The following RAB2A variants were observed in gnomAD, a reference collection of about 807,000 sequenced individuals.
RAB2A encodes ras-related protein Rab-2A.
RAB2A carries 7 observed loss-of-function variants against 32.5 expected under a neutral mutation model. The ratio of observed to expected loss-of-function variants is 0.22; its 90% CI spans 0.12 to 0.40. RAB2A has a LOEUF of 0.40. RAB2A is among the 10% of genes least tolerant of loss of function. The pLI, the probability that RAB2A is intolerant of heterozygous loss-of-function variation, is 1.00. For synonymous variants in RAB2A, 79 were observed against 85.2 expected, an observed-to-expected ratio of 0.93 and a Z score of 0.40; for missense variants, 108 against 260.7, an observed-to-expected ratio of 0.41 and a Z score of 4.03.
At chr8:60,564,291 T>C (rs1335466988) in intron 2 of RAB2A, among the ~76,000 whole-genome samples, 1 of 152,188 alleles carries the variant, frequency 6.6e-6, no homozygotes, top group Non-Finnish European at 1.5e-5. Context: ...AACTAAGCCT[T>C]TCCCTTGGTG....
intron 1 of RAB2A, among the ~76,000 whole-genome samples, chr8:60,540,480 T>TC (rs1807623134): frequency 6.9e-6 from 1 of 145,556 alleles, no homozygotes; most frequent in Non-Finnish European, 1.5e-5. Flanking sequence ...CCTGCCTCCC[T>TC]CCCTCCCTTT....
intron 7 of RAB2A, among the ~76,000 whole-genome samples, chr8:60,620,319 G>A (rs16926338): frequency 0.077 from 11,658 of 152,218 alleles, 1,354 homozygotes; most frequent in African/African-American, 0.25. Context: ...AAGATTTTAC[G>A]TTGTATTAAA....
intron 3 of RAB2A, among the ~76,000 whole-genome samples, chr8:60,579,494 C>G (rs1023233909): frequency 5.3e-5 from 8 of 152,190 alleles, no homozygotes; most frequent in Non-Finnish European, 1.0e-4. Context: ...TCTTTACACT[C>G]TAAGCTAATA....
At chr8:60,540,518 C>T (rs975181740) in intron 1 of RAB2A, among the ~76,000 whole-genome samples, 19 of 152,302 alleles carry the variant, frequency 1.2e-4, no homozygotes, top group African/African-American at 4.1e-4. Flanking sequence ...CTCTCTCCGT[C>T]GCTCAGGCTG....
chr8:60,612,642 G>A lies in RAB2A; in HGVS notation c.475-5938G>A, dbSNP rs566579680. Among the ~76,000 whole-genome samples, 158 of 152,258 alleles carry A rather than the reference G, an allele frequency of 1.0e-3. 1 individual carries two copies. Among genetic ancestry groups the A allele is most frequent in the African/African-American group, 3.5e-3 (147 of 41,534 alleles). ...GAAGACTATTAGATTCTAATCCTGC[G>A]TCTGCTGTAATTATGTGTGGTCTTG... is the stretch of plus-strand genomic sequence containing the variant. On this transcript the variant is annotated intron_variant, in intron 6 of 7. Transcript: ENST00000262646.
At chr8:60,582,122 T>A (rs988378669) in intron 3 of RAB2A, among the ~76,000 whole-genome samples, 3 of 151,934 alleles carry the variant, frequency 2.0e-5, no homozygotes, top group South Asian at 2.1e-4. Flanking sequence ...ATTTTTAAAA[T>A]TTTTTTTGTA....
intron 1 of RAB2A, among the ~76,000 whole-genome samples, chr8:60,526,248 A>G (rs370836011): frequency 6.6e-6 from 1 of 151,942 alleles, no homozygotes; most frequent in African/African-American, 2.4e-5. Context: ...ATATACTTCC[A>G]TGAAACTGTA....
chr8:60,579,069 G>T (rs1342238117), intron 3 of RAB2A, among the ~76,000 whole-genome samples: 1 of 152,168 alleles, frequency 6.6e-6, no homozygotes, highest in Non-Finnish European at 1.5e-5. Context: ...TTGAGACAGA[G>T]TCCAGCTCTG....
chr8:60,552,003 T>TTTTTTTG (rs1159491409), intron 1 of RAB2A: 1 of 132,330 alleles, frequency 7.6e-6, no homozygotes, highest in African/African-American at 2.9e-5. Context: ...AGCTGGGAGT[T>TTTTTTTG]TTTTTTTTTT....
intron 7 of RAB2A, among the ~76,000 whole-genome samples, chr8:60,620,203 C>G (rs1407311885): frequency 6.6e-6 from 1 of 152,208 alleles, no homozygotes; most frequent in Non-Finnish European, 1.5e-5. Flanking sequence ...TCTTGGCAAG[C>G]TGCCATGTCT....
intron 1 of RAB2A, among the ~76,000 whole-genome samples, chr8:60,525,937 A>G (rs1345243592): frequency 1.4e-5 from 2 of 147,120 alleles, no homozygotes; most frequent in Non-Finnish European, 3.0e-5. Context: ...AGATATATAT[A>G]TATGTCTATA....
At chr8:60,573,328 T>A (rs948559610) in intron 3 of RAB2A, among the ~76,000 whole-genome samples, 51 of 152,236 alleles carry the variant, frequency 3.4e-4, no homozygotes, top group African/African-American at 1.2e-3. Context: ...TCACTCAGTC[T>A]TAGTTTCTCA....
intron 1 of RAB2A, among the ~76,000 whole-genome samples, chr8:60,551,583 C>G (rs1807848129): frequency 6.6e-6 from 1 of 152,244 alleles, no homozygotes; most frequent in African/African-American, 2.4e-5. Context: ...AAGATAACTA[C>G]AGATGGTCTC....
chr8:60,517,693 C>G (rs978503020), intron 1 of RAB2A, among the ~76,000 whole-genome samples: 11 of 152,148 alleles, frequency 7.2e-5, no homozygotes, highest in Non-Finnish European at 7.4e-5. Context: ...ACCAGTCCAA[C>G]CTTCCTCCAC....
At chr8:60,587,223 A>G (rs1460877980) in intron 5 of RAB2A, among the ~76,000 whole-genome samples, 1 of 152,194 alleles carries the variant, frequency 6.6e-6, no homozygotes, top group Non-Finnish European at 1.5e-5. Context: ...TATATATGAT[A>G]TATTAATTTT....
At chr8:60,532,950 T>A (rs1361387017) in intron 1 of RAB2A, among the ~76,000 whole-genome samples, 1 of 152,268 alleles carries the variant, frequency 6.6e-6, no homozygotes, top group East Asian at 1.9e-4. Flanking sequence ...CAGTCCAATT[T>A]GGTTGAAAGA....
intron 2 of RAB2A, among the ~76,000 whole-genome samples, chr8:60,570,767 G>A (rs1808186735): frequency 6.6e-6 from 1 of 152,174 alleles, no homozygotes; most frequent in Admixed American, 6.5e-5. Flanking sequence ...GATGGAAGAA[G>A]TATTATAATG....
At chr8:60,607,536 C>T (rs1053370455) in intron 6 of RAB2A, among the ~76,000 whole-genome samples, 1 of 152,094 alleles carries the variant, frequency 6.6e-6, no homozygotes, top group Admixed American at 6.6e-5. Context: ...CTCGGCCTCC[C>T]GAAGTGCTGG....
At chr8:60,604,683 G>C (rs563206121) in intron 6 of RAB2A, among the ~76,000 whole-genome samples, 3 of 152,196 alleles carry the variant, frequency 2.0e-5, no homozygotes, top group Non-Finnish European at 4.4e-5. Flanking sequence ...CTTGGAACTT[G>C]AATGGTGATG....
Sources: allele counts gnomAD v4.1 joint callset (sites outside exome capture counted in the v4.1 genomes callset), GRCh38; gene constraint gnomAD v4.1.1; transcripts MANE v1.5; gene names NCBI Gene and HGNC (gene_info 2026-07-23, HGNC 2026-07-21).